The following CCDC32 variants were observed in gnomAD, a reference collection of about 807,000 sequenced individuals.
The protein encoded by CCDC32 is coiled-coil domain containing 32, also known as coiled-coil domain-containing protein 32.
CCDC32 carries 9 observed loss-of-function variants against 20.1 expected under a neutral mutation model. The observed-to-expected ratio is 0.45, with a 90% CI of 0.27 to 0.78. CCDC32 has a LOEUF of 0.78. Among genes scored for constraint, CCDC32 ranks in the 30% least tolerant of loss-of-function variants. The pLI is 0.16. For missense variants in CCDC32, 204 were observed against 215.5 expected, an observed-to-expected ratio of 0.95 and a Z score of 0.33; for synonymous variants, 63 against 79.0, an observed-to-expected ratio of 0.80 and a Z score of 1.07.
At chr15:40,559,640 T>C (rs1293607889) in intron 2 of CCDC32, among the ~76,000 whole-genome samples, 1 of 152,202 alleles carries the variant, frequency 6.6e-6, no homozygotes, top group African/African-American at 2.4e-5. Flanking sequence ...CATATCTTTT[T>C]CCTCCAGTAC....
downstream of CCDC32, chr15:40,539,037 C>T (rs938882516): frequency 3.4e-6 from 2 of 582,928 alleles, no homozygotes; most frequent in Middle Eastern, 4.6e-4. Context: ...AAAGCCCTGT[C>T]TCTCTCTTGG....
At chr15:40,523,064 C>G in the CCDC32 span, among the ~76,000 whole-genome samples, 1 of 151,160 alleles carries the variant, frequency 6.6e-6, no homozygotes, top group Non-Finnish European at 1.5e-5. Flanking sequence ...CTGAACTTAC[C>G]TAAGGTCAGG....
chr15:40,553,692 GAC>G lies in CCDC32; in HGVS notation c.*277_*278del, dbSNP rs1890022533. ...GAGACAGAGCTCAGCCAAGCTGTGAGACACAGAGGAAAGCAGCATTTTGATCC... is the reference window on the plus strand; with the variant it reads ...GAGACAGAGCTCAGCCAAGCTGTGAGACAGAGGAAAGCAGCATTTTGATCC... On this transcript the variant is annotated 3_prime_UTR_variant, in exon 4 of 4. Transcript: ENST00000416810. The G allele has an allele frequency of 8.3e-7, 1 of 1,210,294 alleles. No homozygotes were observed. The highest frequency in any genetic ancestry group is 1.5e-5 in the African/African-American group (1 of 65,544). 75.0% of individuals were successfully genotyped at this position (1,210,294 alleles called of 1,614,324 possible).
chr15:40,539,840 CCACACACACA>C (rs142688774), intron 3 of CCDC32, among the ~76,000 whole-genome samples: 41 of 134,628 alleles, frequency 3.0e-4, no homozygotes, highest in African/African-American at 8.6e-4. Flanking sequence ...CAAACTGTTG[CCACACACACA>C]CACACACACA....
the CCDC32 span, among the ~76,000 whole-genome samples, chr15:40,523,377 G>A: frequency 6.6e-6 from 1 of 151,798 alleles, no homozygotes; most frequent in African/African-American, 2.4e-5. Flanking sequence ...AGTGGCGCAT[G>A]CCTGTAATCC....
chr15:40,552,944 C>T, downstream of CCDC32: 1 of 176,130 alleles, frequency 5.7e-6, no homozygotes, highest in Non-Finnish European at 1.1e-5. Context: ...GGCCTCAGAA[C>T]ACCAAAGTCT....
chr15:40,562,828 G>A lies in CCDC32; in HGVS notation c.188C>T (p.Pro63Leu). 2.5e-6 allele frequency: 4 copies of A among 1,614,218 alleles called. No homozygotes were observed. The highest frequency in any genetic ancestry group is 3.4e-6 in the Non-Finnish European group (4 of 1,180,036). Residue 63 changes from proline to leucine, a missense_variant, in exon 2 of 4, where the codon CCA becomes CTA. Pro to Leu is a moderately conservative substitution (Grantham distance 98, BLOSUM62 -3). Coordinates refer to ENST00000416810, the MANE Select transcript of CCDC32 (RefSeq NM_001080792.4). ...CAAGGGAGCCCAAGGCTTTACAGCT[G>A]GCTGGACAGCAAAGTCAGCCACCTC... is the stretch of plus-strand genomic sequence containing the variant. ...QREVADFAVQ[P>L]AVKPWAPLQD...
chr15:40,554,728 TG>T (rs996606660), intron 3 of CCDC32, among the ~76,000 whole-genome samples: 10 of 152,248 alleles, frequency 6.6e-5, no homozygotes, highest in African/African-American at 2.4e-4. Context: ...GCTGTCTTTT[TG>T]TTTGGATCTG....
At chr15:40,539,166 C>G, downstream of CCDC32, 1 of 1,341,418 alleles carries the variant, frequency 7.5e-7, no homozygotes, top group Non-Finnish European at 1.0e-6. Context: ...AGCTCCCGCT[C>G]AAACCTGACA....
At position 40,557,215 on chromosome 15, in the gene CCDC32, C is replaced by T; in HGVS notation, c.401+1G>A. The T allele has an allele frequency of 1.9e-6, 3 of 1,610,466 alleles. No homozygotes were observed. The highest frequency in any genetic ancestry group is 2.5e-6 in the Non-Finnish European group (3 of 1,178,892). ...CTGGAACTAGACGGGGAATCGATTA[C>T]CTCTCATCAGAATCAAGTCCATCCA... On this transcript the variant is annotated splice_donor_variant, in intron 3 of 3. Transcript: ENST00000416810. LOFTEE classifies it high-confidence loss of function.
chr15:40,540,200 A>G (rs1439582245), intron 3 of CCDC32, among the ~76,000 whole-genome samples: 2 of 152,138 alleles, frequency 1.3e-5, no homozygotes, highest in African/African-American at 4.8e-5. Flanking sequence ...GAGTGGTAAC[A>G]GGAGGGCTGG....
intron 3 of CCDC32, among the ~76,000 whole-genome samples, chr15:40,547,014 G>A (rs1566981141): frequency 1.3e-5 from 2 of 152,060 alleles, no homozygotes; most frequent in African/African-American, 4.8e-5. Context: ...ATGTTTTGCA[G>A]TTTTTTAACT....
downstream of CCDC32, among the ~76,000 whole-genome samples, chr15:40,532,573 A>G (rs1407972337): frequency 2.0e-5 from 3 of 152,068 alleles, no homozygotes; most frequent in Non-Finnish European, 4.4e-5. Flanking sequence ...ATTTTTACCC[A>G]GTTGTAATCA....
chr15:40,535,543 C>G, downstream of CCDC32: 1 of 985,766 alleles, frequency 1.0e-6, no homozygotes. Context: ...CCCTTCTCTC[C>G]TCCTCCACTC....
At position 40,564,960 on chromosome 15, in the gene CCDC32, G is replaced by T. The variant is rs975280748; in HGVS notation, c.-13+16C>A. ...GAGATCCAAAACGCTGGGCACCCCA[G>T]CCCCTCCTCACTTACCGTAACAGCT... On this transcript the variant is annotated intron_variant, in intron 1 of 3. Coordinates refer to ENST00000416810, the MANE Select transcript of CCDC32 (RefSeq NM_001080792.4). The T allele has an allele frequency of 4.5e-6, 3 of 669,908 alleles. No individual in the cohort carries two copies. The highest frequency in any genetic ancestry group is 7.6e-6 in the Non-Finnish European group (3 of 393,496). 41.5% of individuals were successfully genotyped at this position (669,908 alleles called of 1,614,324 possible). A position where few individuals can be genotyped will look rare whatever the true frequency, so the allele number is the denominator to read the frequency against.
At chr15:40,522,161 A>C in the CCDC32 span, among the ~76,000 whole-genome samples, 2 of 152,194 alleles carry the variant, frequency 1.3e-5, no homozygotes, top group Non-Finnish European at 2.9e-5. Flanking sequence ...GTCCAATTTC[A>C]TTCCTTTGCA....
chr15:40,524,146 CTTTTTTTTT>C (rs66753325), downstream of CCDC32, among the ~76,000 whole-genome samples: 3 of 89,138 alleles, frequency 3.4e-5, no homozygotes, highest in Non-Finnish European at 6.4e-5. Flanking sequence ...CATGCATAAT[CTTTTTTTTT>C]TTTTTTTTTT....
At chr15:40,558,289 A>G (rs1890385645) in intron 2 of CCDC32, among the ~76,000 whole-genome samples, 2 of 152,142 alleles carry the variant, frequency 1.3e-5, no homozygotes, top group Admixed American at 1.3e-4. Flanking sequence ...GCTAACACCC[A>G]CTGATCAAAA....
At chr15:40,547,580 T>C (rs996392147) in intron 3 of CCDC32, among the ~76,000 whole-genome samples, 10 of 152,196 alleles carry the variant, frequency 6.6e-5, no homozygotes, top group Non-Finnish European at 1.3e-4. Flanking sequence ...GTAGGGGGTT[T>C]CTGCTTCTAG....
Sources: gnomAD v4.1 joint callset for allele counts (sites outside exome capture counted in the v4.1 genomes callset) on GRCh38, gnomAD v4.1.1 for gene constraint, MANE v1.5 for transcripts, NCBI Gene and HGNC (gene_info 2026-07-23, HGNC 2026-07-21) for gene names.